The following BLTP2 variants were observed in gnomAD, a reference collection of about 807,000 sequenced individuals.
BLTP2 encodes U937-associated antigen.
the BLTP2 span, chr17:28,639,967 G>A: frequency 6.2e-7 from 1 of 1,614,120 alleles, no homozygotes; most frequent in Non-Finnish European, 8.5e-7. Context: ...CGAAGGGGCA[G>A]CTGATCCTCA....
At chr17:28,622,522 A>AG in the BLTP2 span, among the ~76,000 whole-genome samples, 1 of 152,242 alleles carries the variant, frequency 6.6e-6, no homozygotes, top group East Asian at 1.9e-4. Flanking sequence ...TAACTCATAT[A>AG]GGGGGTGTAC....
the BLTP2 span, chr17:28,635,436 G>T: frequency 6.2e-7 from 1 of 1,614,138 alleles, no homozygotes; most frequent in Non-Finnish European, 8.5e-7. Flanking sequence ...CAGGGGCACG[G>T]CCTTCTAGCT....
the BLTP2 span, chr17:28,641,750 C>T: frequency 1.3e-6 from 1 of 756,592 alleles, no homozygotes. Flanking sequence ...TGCCCTATTT[C>T]CTCTAACTAT....
the BLTP2 span, chr17:28,642,516 T>A: frequency 1.2e-5 from 7 of 598,216 alleles, no homozygotes; most frequent in African/African-American, 1.9e-5. Flanking sequence ...CCAGGCGCGG[T>A]GGCGGCCGCC....
At chr17:28,643,577 T>C in the BLTP2 span, 1 of 1,599,924 alleles carries the variant, frequency 6.3e-7, no homozygotes, top group Admixed American at 1.7e-5. Flanking sequence ...AAAGTACTCT[T>C]CTAGGGGAGA....
chr17:28,633,793 ACC>A, the BLTP2 span: 4 of 1,601,324 alleles, frequency 2.5e-6, no homozygotes, highest in Non-Finnish European at 3.4e-6. Context: ...TCACAACATT[ACC>A]CCTCTCTTCC....
chr17:28,639,682 A>G, the BLTP2 span: 2 of 1,587,868 alleles, frequency 1.3e-6, no homozygotes, highest in Non-Finnish European at 1.7e-6. Flanking sequence ...AGAGCACTGG[A>G]AGGGCAAGAG....
the BLTP2 span, chr17:28,621,135 G>C: frequency 3.1e-6 from 5 of 1,614,070 alleles, no homozygotes; most frequent in Non-Finnish European, 4.2e-6. Flanking sequence ...CGCTGGACTT[G>C]CTGGGCTTGC....
At chr17:28,643,192 C>G in the BLTP2 span, 1 of 1,614,074 alleles carries the variant, frequency 6.2e-7, no homozygotes, top group Non-Finnish European at 8.5e-7. Context: ...TAAGGATGGG[C>G]TGAAGGACAG....
At chr17:28,644,963 C>T in the BLTP2 span, 12 of 1,558,552 alleles carry the variant, frequency 7.7e-6, no homozygotes, top group Non-Finnish European at 1.0e-5. Context: ...GCCGCCGCCG[C>T]CGCCGGCGCG....
chr17:28,634,486 G>A, the BLTP2 span: 18 of 1,576,256 alleles, frequency 1.1e-5, no homozygotes, highest in South Asian at 4.6e-5. Context: ...GGGCAAACAC[G>A]GGGTCTGCAA....
the BLTP2 span, chr17:28,617,195 C>T: frequency 1.3e-6 from 2 of 1,552,850 alleles, no homozygotes; most frequent in Middle Eastern, 1.7e-4. Flanking sequence ...GTGCTAAAAA[C>T]ATGCAAATGG....
At chr17:28,637,952 T>C in the BLTP2 span, 1 of 1,614,168 alleles carries the variant, frequency 6.2e-7, no homozygotes, top group Admixed American at 1.7e-5. Context: ...CTTCCCAGAT[T>C]GTGGACCCAT....
At chr17:28,618,920 C>T in the BLTP2 span, 2 of 1,614,054 alleles carry the variant, frequency 1.2e-6, no homozygotes, top group Non-Finnish European at 1.7e-6. Flanking sequence ...CTTCTTGCTG[C>T]TTTCGCAGCT....
At chr17:28,632,884 G>A in the BLTP2 span, 1 of 1,291,652 alleles carries the variant, frequency 7.7e-7, no homozygotes, top group Non-Finnish European at 1.0e-6. Context: ...AAAGTCCCCA[G>A]CATCCATGCC....
chr17:28,642,193 A>G, the BLTP2 span: 12 of 1,582,454 alleles, frequency 7.6e-6, no homozygotes, highest in South Asian at 1.2e-4. Flanking sequence ...AAGGTCAAAG[A>G]ACCTAGGATG....
chr17:28,632,630 G>A, the BLTP2 span, among the ~76,000 whole-genome samples: 2 of 152,084 alleles, frequency 1.3e-5, no homozygotes, highest in Non-Finnish European at 2.9e-5. Context: ...CATCTATGAG[G>A]AATGGGCCCT....
the BLTP2 span, chr17:28,633,878 G>A: frequency 5.1e-5 from 82 of 1,612,328 alleles, no homozygotes; most frequent in Middle Eastern, 2.1e-3. Context: ...CAAACCAACT[G>A]CCTCATCTCT....
chr17:28,635,895 T>C, the BLTP2 span: 7 of 345,464 alleles, frequency 2.0e-5, no homozygotes, highest in South Asian at 4.0e-5. Context: ...TTCTTTGGTA[T>C]CTACCATAGT....
Sources: allele counts gnomAD v4.1 joint callset (sites outside exome capture counted in the v4.1 genomes callset), GRCh38; gene constraint gnomAD v4.1.1; transcripts MANE v1.5; gene names NCBI Gene and HGNC (gene_info 2026-07-23, HGNC 2026-07-21).